The following MYO5A variants were observed in gnomAD, a reference collection of about 807,000 sequenced individuals.
The protein encoded by MYO5A is myosin VA.
Under a neutral mutation model 249.7 loss-of-function variants are expected in MYO5A, and 98 were observed. The observed-to-expected ratio is 0.39, with a 90% confidence interval of 0.33 to 0.46. MYO5A has a LOEUF of 0.46. MYO5A is among the 20% of genes least tolerant of loss of function. MYO5A has a pLI of 0.98. For synonymous variants in MYO5A, 778 were observed against 810.6 expected (o/e 0.96, Z 0.68); for missense variants, 1,696 against 2,308.8 (o/e 0.73, Z 5.44).
chr15:52,455,939 A>T (rs2076109329), intron 1 of MYO5A, among the ~76,000 whole-genome samples: 1 of 152,152 alleles, frequency 6.6e-6, no homozygotes, highest in Admixed American at 6.5e-5. Flanking sequence ...CTTTTATTCA[A>T]CATAATATTG....
At chr15:52,338,831 G>A (rs2039244447) in intron 32 of MYO5A, among the ~76,000 whole-genome samples, 1 of 152,142 alleles carries the variant, frequency 6.6e-6, no homozygotes, top group Admixed American at 6.5e-5. Context: ...CCACCCAGAA[G>A]CATCTTTATT....
In MYO5A at chr15:52,317,190, C is replaced by T. The variant is rs756727033; in HGVS notation, c.5267G>A (p.Arg1756His). ...YNVSQLEEWL[R>H]DKNLMNSGAK... ...CCCACTATTCATCAGATTCTTGTCA[C>T]GCAGCCATTCTTCCAGTTGACTGAC... The change falls in exon 40 of 42, where the codon CGT becomes CAT. Residue 1756 changes from arginine (R) to histidine (H), a missense_variant. Arg to His is a conservative substitution (Grantham distance 29). This residue lies in a region of MYO5A where 625 missense variants were observed against 908.1 expected (regional missense o/e 0.69). Transcript: ENST00000399233. 4.3e-6 allele frequency: 7 copies of T among 1,613,906 alleles called. No individual in the cohort carries two copies. Among genetic ancestry groups the T allele is most frequent in the Non-Finnish European group, 5.9e-6 (7 of 1,179,988 alleles).
chr15:52,357,452 CAAAAAAA>C (rs35645503), intron 25 of MYO5A, among the ~76,000 whole-genome samples: 2 of 93,724 alleles, frequency 2.1e-5, no homozygotes, highest in Middle Eastern at 6.8e-3. Flanking sequence ...CTAGAACTAG[CAAAAAAA>C]AAAAAAAAAG....
intron 3 of MYO5A, among the ~76,000 whole-genome samples, chr15:52,427,634 G>A (rs1390136076): frequency 6.6e-6 from 1 of 152,172 alleles, no homozygotes; most frequent in East Asian, 1.9e-4. Flanking sequence ...GGCTGTTCCT[G>A]TCTAAAACAG....
chr15:52,392,066 A>G lies in MYO5A; in HGVS notation c.1406T>C (p.Val469Ala). 6.2e-7 allele frequency: 1 copy of G among 1,610,756 alleles called. No homozygotes were observed. The highest frequency in any genetic ancestry group is 8.5e-7 in the Non-Finnish European group (1 of 1,178,930). ...ATATTCTTCTTGCTCCAATTTGAAGACATGCTGAAATGAAAAAGAAAAAAA... is the reference window on the plus strand; with the variant it reads ...ATATTCTTCTTGCTCCAATTTGAAGGCATGCTGAAATGAAAAAGAAAAAAA... ...EKLQQQFNMH[V>A]FKLEQEEYMK... The change falls in exon 12 of 42, where the codon GTC (valine) becomes GCC (alanine). Residue 469 changes from valine to alanine, a missense_variant. Transcript: ENST00000399233.
chr15:52,366,922 TA>T, intron 23 of MYO5A, 108 bp downstream of exon 23: 1 of 999,132 alleles, frequency 1.0e-6, no homozygotes, highest in Non-Finnish European at 1.5e-6. Flanking sequence ...CCTCAACTTT[TA>T]AAAATATTTA....
intron 34 of MYO5A, among the ~76,000 whole-genome samples, chr15:52,334,150 T>C (rs1430970048): frequency 6.6e-6 from 1 of 152,206 alleles, no homozygotes; most frequent in African/African-American, 2.4e-5. Context: ...TTAAGATTAG[T>C]AATATCTTAA....
At chr15:52,390,893 T>C (rs376458582) in intron 12 of MYO5A, among the ~76,000 whole-genome samples, 1 of 152,232 alleles carries the variant, frequency 6.6e-6, no homozygotes, top group African/African-American at 2.4e-5. Context: ...TGTATGTGAA[T>C]AGGATAATTC....
At chr15:52,333,370 CT>C (rs1445934477) in intron 34 of MYO5A, among the ~76,000 whole-genome samples, 1 of 152,160 alleles carries the variant, frequency 6.6e-6, no homozygotes, top group African/African-American at 2.4e-5. Context: ...AGATCTTGAT[CT>C]CAAGTTTGAG....
intron 8 of MYO5A, among the ~76,000 whole-genome samples, chr15:52,406,300 T>G (rs1595614269): frequency 6.6e-6 from 1 of 152,246 alleles, no homozygotes; most frequent in East Asian, 1.9e-4. Context: ...AGTCTCACTC[T>G]GTCACCCAGG....
intron 1 of MYO5A, among the ~76,000 whole-genome samples, chr15:52,475,543 C>G (rs561883294): frequency 1.3e-5 from 2 of 152,334 alleles, no homozygotes; most frequent in East Asian, 3.9e-4. Context: ...AAATTTCCCT[C>G]TACACACTGC....
chr15:52,450,838 C>T (rs11854086), intron 1 of MYO5A, among the ~76,000 whole-genome samples: 5,314 of 77,866 alleles, frequency 0.068, 153 homozygotes, highest in Middle Eastern at 0.12. Flanking sequence ...GATTGCACTA[C>T]TGTGGTTTTT....
intron 1 of MYO5A, among the ~76,000 whole-genome samples, chr15:52,459,128 T>C (rs909348590): frequency 3.4e-5 from 5 of 149,206 alleles, no homozygotes; most frequent in African/African-American, 1.2e-4. Flanking sequence ...GCCTCCTGAG[T>C]AGCTGGGATT....
Position 52,340,215 on chromosome 15 carries a change from C to A in MYO5A, c.4220G>T (p.Arg1407Leu). The A allele has an allele frequency of 6.2e-7, 1 of 1,614,090 alleles. No homozygotes were observed. Among genetic ancestry groups the A allele is most frequent in the Non-Finnish European group, 8.5e-7 (1 of 1,180,012 alleles). The part of the protein sequence containing the change: ...IEASLQHEIT[R>L]LTNENLYFEE... Reference sequence around the variant, plus strand: ...CCTTACCAAGTTTTCGTTGGTCAGCCGGGTGATCTCGTGCTGCAGGCTGGC... The same window carrying A: ...CCTTACCAAGTTTTCGTTGGTCAGCAGGGTGATCTCGTGCTGCAGGCTGGC... The change falls in exon 32 of 42, where the codon CGG becomes CTG. Residue 1407 changes from arginine (R) to leucine (L), a missense_variant. Physicochemically the swap from Arg to Leu is moderately radical, Grantham distance 102. Around this residue, in one of 5 missense-constraint regions of MYO5A, gnomAD observed 625 missense variants for 908.1 expected, o/e 0.69. Transcript: ENST00000399233.
chr15:52,363,029 G>A (rs1346625081), intron 24 of MYO5A, among the ~76,000 whole-genome samples: 1 of 152,170 alleles, frequency 6.6e-6, no homozygotes, highest in East Asian at 1.9e-4. Context: ...TTTTACCTAA[G>A]AATTTCTTTT....
intron 25 of MYO5A, among the ~76,000 whole-genome samples, chr15:52,354,955 G>A (rs1254792307): frequency 6.6e-6 from 1 of 151,794 alleles, no homozygotes; most frequent in East Asian, 1.9e-4. Context: ...AATATATCTT[G>A]TTTTTGTTAA....
At chr15:52,502,878 C>T (rs949047505) in intron 1 of MYO5A, among the ~76,000 whole-genome samples, 1 of 152,164 alleles carries the variant, frequency 6.6e-6, no homozygotes, top group Non-Finnish European at 1.5e-5. Flanking sequence ...TTTGGAGCAA[C>T]ATGGATAGAA....
At chr15:52,462,626 T>C (rs969723969) in intron 1 of MYO5A, among the ~76,000 whole-genome samples, 2 of 152,122 alleles carry the variant, frequency 1.3e-5, no homozygotes, top group African/African-American at 4.8e-5. Context: ...GGTGGGCAGA[T>C]TGCCTGAGGT....
At chr15:52,390,396 C>T (rs758372312) in intron 12 of MYO5A, among the ~76,000 whole-genome samples, 1 of 151,694 alleles carries the variant, frequency 6.6e-6, no homozygotes, top group Non-Finnish European at 1.5e-5. Context: ...CCAACTAGTA[C>T]CCACAAAAAT....
Sources: gnomAD v4.1 joint callset for allele counts (sites outside exome capture counted in the v4.1 genomes callset) on GRCh38, gnomAD v4.1.1 for gene constraint, gnomAD v4.1.1 regional missense constraint, MANE v1.5 for transcripts, NCBI Gene and HGNC (gene_info 2026-07-23, HGNC 2026-07-21) for gene names.